The following TTN variants were observed in gnomAD, a reference collection of about 807,000 sequenced individuals.
TTN encodes the protein titin.
In TTN, 1,525 loss-of-function variants were observed where a neutral mutation model predicts 3,223.0. That is an observed-to-expected ratio of 0.47 (90% confidence interval 0.45 to 0.49). TTN has a LOEUF of 0.49. Ranked by LOEUF, TTN falls within the 20% of genes least tolerant of loss-of-function variation. The probability of loss-of-function intolerance (pLI) is 0.00; values close to 1 mark genes in which losing one functional copy is unlikely to be tolerated. For missense variants in TTN, 40,786 were observed against 43,424.0 expected (o/e 0.94, Z 5.40); for synonymous variants, 14,094 against 15,161.0 (o/e 0.93, Z 5.17).
At position 178,732,130 on chromosome 2, in the gene TTN, T is replaced by G. The variant is rs397517483; in HGVS notation, c.16839A>C (p.Glu5613Asp). 4 of 1,613,680 alleles carry G rather than the reference T, an allele frequency of 2.5e-6. No homozygotes were observed. Among genetic ancestry groups the G allele is most frequent in the Non-Finnish European group, 2.5e-6 (3 of 1,179,760 alleles). Reference sequence around the variant, plus strand: ...CCTCATTTTGGGCCTCACACATATATTCACCACTGTCTTCGATGCCAACAT... The same window carrying G: ...CCTCATTTTGGGCCTCACACATATAGTCACCACTGTCTTCGATGCCAACAT... ...LTDVGIEDSG[E>D]YMCEAQNEAG... The change falls in exon 57 of 363, where the codon GAA (glutamate) becomes GAC (aspartate). Residue 5613 changes from glutamate to aspartate, a missense_variant. By Grantham distance (45) the Glu-to-Asp change is conservative. Coordinates refer to ENST00000589042, the MANE Select transcript of TTN (RefSeq NM_001267550.2).
chr2:178,564,517 A>G lies in TTN; in HGVS notation c.81615T>C (p.Tyr27205=), dbSNP rs1486785221. 11 of 1,612,700 alleles carry G rather than the reference A, an allele frequency of 6.8e-6. No individual in the cohort carries two copies. Among genetic ancestry groups the G allele is most frequent in the South Asian group, 1.1e-5 (1 of 90,990 alleles). ...AYDGGSKITG[Y]IVEKKDLPDG... is the part of the protein sequence containing the mutation. ...CAGGTAGATCTTTCTTTTCTACAATATAACCTGTTATTTTGCTACCACCAT... is the reference window on the plus strand; with the variant it reads ...CAGGTAGATCTTTCTTTTCTACAATGTAACCTGTTATTTTGCTACCACCAT... The change falls in exon 326 of 363, where the codon TAT becomes TAC. Residue 27205 remains tyrosine, a synonymous_variant. Transcript: ENST00000589042.
chr2:178,658,310 T>C lies in TTN; in HGVS notation c.37673A>G (p.Lys12558Arg), dbSNP rs1322456337. The change falls in exon 185 of 363, where the codon AAG becomes AGG. Residue 12558 changes from lysine (K) to arginine (R), a missense_variant. Transcript: ENST00000589042. ...GGCTTCTGGTTTTTTGATTGGTGCC[T>C]TGGGAATTTTCTTTTCTGGGACAAC... ...QEVVPEKKIP[K>R]APIKKPEAPA... is the part of the protein sequence containing the mutation. 1.3e-6 allele frequency: 1 copy of C among 780,798 alleles called. No individual in the cohort carries two copies. Among genetic ancestry groups the C allele is most frequent in the Admixed American group, 3.8e-5 (1 of 26,322 alleles). 48.4% of individuals were successfully genotyped at this position (780,798 alleles called of 1,614,324 possible). A position where few individuals can be genotyped will look rare whatever the true frequency, so the allele number is the denominator to read the frequency against.
Position 178,617,817 on chromosome 2 carries a change from C to T in TTN, c.47534G>A (p.Ser15845Asn). The T allele has an allele frequency of 1.2e-6, 2 of 1,612,458 alleles. No individual in the cohort carries two copies. The highest frequency in any genetic ancestry group is 1.7e-6 in the Non-Finnish European group (2 of 1,179,036). The change falls in exon 253 of 363, where the codon AGT (serine) becomes AAT (asparagine). Residue 15845 changes from serine to asparagine, a missense_variant. Physicochemically the swap from Ser to Asn is conservative, Grantham distance 46. Coordinates refer to ENST00000589042, the MANE Select transcript of TTN (RefSeq NM_001267550.2). ...AQNRIGVGKP[S>N]AATPFVKVAD... The stretch of plus-strand genomic sequence containing the variant: ...AACTTTGACGAAGGGTGTGGCTGCA[C>T]TTGGTTTTCCAACTCCAATTCGATT...
Position 178,538,772 on chromosome 2 carries a change from C to G in TTN, c.99057G>C (p.Trp33019Cys). ...SISKDSVTLQ[W>C]EKPECDGGKE... is the part of the protein sequence containing the mutation. ...TACCACCATCACATTCAGGTTTCTC[C>G]CACTGTAGAGTGACACTATCTTTGG... The change falls in exon 354 of 363, where the codon TGG becomes TGC. Residue 33019 changes from tryptophan to cysteine, a missense_variant. Trp to Cys is a radical substitution (Grantham distance 215). Coordinates refer to ENST00000589042, the MANE Select transcript of TTN (RefSeq NM_001267550.2). The G allele has an allele frequency of 6.2e-7, 1 of 1,613,722 alleles. No individual in the cohort carries two copies. The highest frequency in any genetic ancestry group is 1.7e-4 in the Middle Eastern group (1 of 6,058).
chr2:178,772,720 C>T (rs980825830), intron 33 of TTN, among the ~76,000 whole-genome samples: 2 of 152,010 alleles, frequency 1.3e-5, no homozygotes, highest in Non-Finnish European at 2.9e-5. Flanking sequence ...CTGTCATTTG[C>T]AATATATTGG....
chr2:178,625,906 T>C (rs1489434536), intron 240 of TTN, among the ~76,000 whole-genome samples: 1 of 152,032 alleles, frequency 6.6e-6, no homozygotes, highest in Admixed American at 6.6e-5. Flanking sequence ...CTTTATATAA[T>C]TACTAGGTGG....
intron 111 of TTN, among the ~76,000 whole-genome samples, chr2:178,699,511 A>G (rs2074456184): frequency 7.5e-6 from 1 of 133,566 alleles, no homozygotes; most frequent in Non-Finnish European, 1.5e-5. Flanking sequence ...TCCCAGGTCC[A>G]CACCATTCTC....
chr2:178,587,448 G>C (rs751003399), intron 306 of TTN, 31 bp from the exon 307 acceptor site: 1 of 1,603,156 alleles, frequency 6.2e-7, no homozygotes, highest in Admixed American at 1.7e-5. Context: ...AGATATACAT[G>C]TCTCCTCAGC....
chr2:178,767,896 G>A lies in TTN; in HGVS notation c.9334C>T (p.His3112Tyr). The A allele has an allele frequency of 1.9e-6, 3 of 1,614,052 alleles. No homozygotes were observed. Among genetic ancestry groups the A allele is most frequent in the Non-Finnish European group, 2.5e-6 (3 of 1,180,004 alleles). ...RIKIQKEKYV[H>Y]RLLIPSTRMS... ...CGGGTGGATGGGATCAGAAGGCGGT[G>A]GACATATTTCTCCTTCTGAATCTTT... Residue 3112 changes from histidine (H) to tyrosine (Y), a missense_variant, in exon 40 of 363, where the codon CAC becomes TAC. His to Tyr is a moderately conservative substitution (Grantham distance 83). Transcript: ENST00000589042.
intron 20 of TTN, among the ~76,000 whole-genome samples, chr2:178,781,485 T>G (rs551051281): frequency 6.6e-6 from 1 of 152,328 alleles, no homozygotes; most frequent in South Asian, 2.1e-4. Context: ...TAAAGAATAT[T>G]TATTGCTAGA....
chr2:178,602,567 G>A lies in TTN; in HGVS notation c.54835C>T (p.Pro18279Ser). 6.5e-7 allele frequency: 1 copy of A among 1,548,580 alleles called. No homozygotes were observed. The highest frequency in any genetic ancestry group is 8.7e-7 in the Non-Finnish European group (1 of 1,148,032). ...GACTTCGTTTTATCTTTAACTTCTG[G>A]GCAAGAAGGTGGCCCCGGTGGAACT... is the stretch of plus-strand genomic sequence containing the variant. ...PIFPPGPPSC[P>S]EVKDKTKSSI... The change falls in exon 283 of 363, where the codon CCA becomes TCA. Residue 18279 changes from proline (P) to serine (S), a missense_variant. Transcript: ENST00000589042.
rs1359169369 is a variant in TTN at position 178,652,847 on chromosome 2, C to T, written c.38959+1G>A. On this transcript the variant is annotated splice_donor_variant, in intron 200 of 362. Coordinates refer to ENST00000589042, the MANE Select transcript of TTN (RefSeq NM_001267550.2). LOFTEE classifies it high-confidence loss of function. Reference sequence around the variant, plus strand: ...TGAAGCCTAAAGCCAGTGACAAATACCTTTAACAGGAGGGACTTCAGGCTT... The same window carrying T: ...TGAAGCCTAAAGCCAGTGACAAATATCTTTAACAGGAGGGACTTCAGGCTT... 1.2e-6 allele frequency: 2 copies of T among 1,611,060 alleles called. No individual in the cohort carries two copies. Among genetic ancestry groups the T allele is most frequent in the East Asian group, 2.2e-5 (1 of 44,774 alleles).
At position 178,712,208 on chromosome 2, in the gene TTN, C is replaced by G. The variant is rs761956896; in HGVS notation, c.27622G>C (p.Val9208Leu). 1.2e-6 allele frequency: 2 copies of G among 1,613,080 alleles called. No homozygotes were observed. The highest frequency in any genetic ancestry group is 1.7e-6 in the Non-Finnish European group (2 of 1,179,354). The change falls in exon 96 of 363, where the codon GTC becomes CTC. Residue 9208 changes from valine to leucine, a missense_variant. Coordinates refer to ENST00000589042, the MANE Select transcript of TTN (RefSeq NM_001267550.2). ...ACCTTAACCGGCTCCAACTGCTTGA[C>G]AAAATACGGTGGTTCTGCAGCCAAG... is the stretch of plus-strand genomic sequence containing the variant. ...QILILEPPYF[V>L]KQLEPVKVSV...
chr2:178,805,125 T>A (rs2094254481), intron 1 of TTN, among the ~76,000 whole-genome samples: 1 of 152,022 alleles, frequency 6.6e-6, no homozygotes, highest in South Asian at 2.1e-4. Context: ...GGAGGATTAC[T>A]TGAGGTCAGG....
chr2:178,699,841 C>T (rs1453901413), intron 111 of TTN, among the ~76,000 whole-genome samples: 2 of 149,392 alleles, frequency 1.3e-5, no homozygotes, highest in Admixed American at 1.3e-4. Context: ...ATTCTCCTGC[C>T]TCAGCCTCTC....
At position 178,563,625 on chromosome 2, in the gene TTN, C is replaced by A; in HGVS notation, c.82507G>T (p.Gly27503Cys). 6.2e-7 allele frequency: 1 copy of A among 1,613,698 alleles called. No homozygotes were observed. The highest frequency in any genetic ancestry group is 1.6e-4 in the Middle Eastern group (1 of 6,062). ...TTATCTCGTTTTTCAAGAATGTAGC[C>A]CTCAATTTCGGTACCTCCGTCGTCT... ...PVDDGGTEIE[G>C]YILEKRDKEG... is the part of the protein sequence containing the mutation. Residue 27503 changes from glycine (G) to cysteine (C), a missense_variant, in exon 326 of 363, where the codon GGC becomes TGC. Gly to Cys is a radical substitution (Grantham distance 159). Coordinates refer to ENST00000589042, the MANE Select transcript of TTN (RefSeq NM_001267550.2). This position sits in a 1 kb window ranked among gnomAD's most constrained non-coding sequence, Gnocchi z 4.5.
Position 178,570,591 on chromosome 2 carries a change from T to G in TTN, c.75541A>C (p.Asn25181His). 6.2e-7 allele frequency: 1 copy of G among 1,613,420 alleles called. No homozygotes were observed. Among genetic ancestry groups the G allele is most frequent in the Non-Finnish European group, 8.5e-7 (1 of 1,179,610 alleles). ...VKDAVRVDSGNYILKAKNVAG... is the reference protein window; with the variant it reads ...VKDAVRVDSGHYILKAKNVAG... ...ACATTTTTGGCCTTCAGTATGTAATTTCCACTGTCGACACGTACTGCATCT... is the reference window on the plus strand; with the variant it reads ...ACATTTTTGGCCTTCAGTATGTAATGTCCACTGTCGACACGTACTGCATCT... The change falls in exon 326 of 363, where the codon AAT (asparagine) becomes CAT (histidine). Residue 25181 changes from asparagine (N) to histidine (H), a missense_variant. Physicochemically the swap from Asn to His is moderately conservative, Grantham distance 68. Transcript: ENST00000589042.
chr2:178,726,256 A>G, intron 69 of TTN: 1 of 484,196 alleles, frequency 2.1e-6, no homozygotes, highest in Non-Finnish European at 3.5e-6. Context: ...GATAGATCCT[A>G]GATGTCGTTA....
chr2:178,614,500 G>A lies in TTN; in HGVS notation c.49014C>T (p.Gly16338=), dbSNP rs766928042. 3.7e-6 allele frequency: 6 copies of A among 1,610,770 alleles called. No individual in the cohort carries two copies. In the South Asian group the frequency reaches 6.6e-5, roughly 18 times the overall value. The stretch of plus-strand genomic sequence containing the variant: ...TCACTTCCACCACAGCAGTGGCCCG[G>A]CCACACACATTCACAGCCTCAATGA... The part of the protein sequence containing the change: ...TYIIEAVNVC[G]RATAVVEVNV... The change falls in exon 261 of 363, where the codon GGC becomes GGT. Residue 16338 remains glycine, a synonymous_variant. Transcript: ENST00000589042.
Sources: gnomAD v4.1 joint callset for allele counts (sites outside exome capture counted in the v4.1 genomes callset) on GRCh38, gnomAD v4.1.1 for gene constraint, Gnocchi (gnomAD v3.1) non-coding constraint, MANE v1.5 for transcripts, NCBI Gene and HGNC (gene_info 2026-07-23, HGNC 2026-07-21) for gene names.